The following LACTB2 variants were observed in gnomAD, a reference collection of about 807,000 sequenced individuals.
LACTB2 encodes the protein endoribonuclease LACTB2.
In LACTB2, 32 loss-of-function variants were observed where a neutral mutation model predicts 34.8. That is an observed-to-expected ratio of 0.92 (90% CI 0.69 to 1.24). The LOEUF (loss-of-function observed/expected upper bound fraction) is 1.24, where lower values mean the gene tolerates loss of function less well. Ranked by LOEUF, LACTB2 falls within the 50% of genes most tolerant of loss-of-function variation. The pLI, the probability that LACTB2 is intolerant of heterozygous loss-of-function variation, is 0.00. For missense variants in LACTB2, 320 were observed against 345.0 expected (o/e 0.93, Z 0.57); for synonymous variants, 120 against 117.5 (o/e 1.02, Z -0.14).
intron 3 of LACTB2, among the ~76,000 whole-genome samples, chr8:70,645,801 A>G (rs578098927): frequency 1.4e-3 from 213 of 151,972 alleles, no homozygotes; most frequent in Non-Finnish European, 2.5e-3. Flanking sequence ...AGCTTCATCC[A>G]TGTCCCTACA....
chr8:70,644,597 G>A (rs1462238226), intron 3 of LACTB2, among the ~76,000 whole-genome samples: 2 of 152,090 alleles, frequency 1.3e-5, no homozygotes, highest in Non-Finnish European at 1.5e-5. Context: ...TCAGCCTCCT[G>A]AGTAGCTGGA....
At chr8:70,647,283 C>T (rs1280831283) in intron 3 of LACTB2, among the ~76,000 whole-genome samples, 1 of 150,358 alleles carries the variant, frequency 6.7e-6, no homozygotes, top group Non-Finnish European at 1.5e-5. Flanking sequence ...GACAGGGTCT[C>T]GCTCTGTCGC....
intron 3 of LACTB2, among the ~76,000 whole-genome samples, chr8:70,645,491 CTCTT>C (rs1246129508): frequency 1.3e-5 from 2 of 151,446 alleles, no homozygotes; most frequent in Non-Finnish European, 2.9e-5. Flanking sequence ...CAGAAAAAGA[CTCTT>C]TTTTTTTTTT....
intron 3 of LACTB2, among the ~76,000 whole-genome samples, chr8:70,649,542 TAC>T (rs1187058327): frequency 6.6e-6 from 1 of 152,190 alleles, no homozygotes; most frequent in East Asian, 1.9e-4. Flanking sequence ...AAATAGTGTC[TAC>T]AGTCATAACA....
At position 70,657,881 on chromosome 8, in the gene LACTB2, G is replaced by C; in HGVS notation, c.288C>G (p.Asp96Glu). The change falls in exon 3 of 7, where the codon GAC becomes GAG. Residue 96 changes from aspartate (D) to glutamate (E), a missense_variant and splice_region_variant. Coordinates refer to ENST00000276590, the MANE Select transcript of LACTB2 (RefSeq NM_016027.3). Reference protein sequence around the residue: ...IGDICKSINNDTTYCIKKLPR... With the variant: ...IGDICKSINNETTYCIKKLPR... ...GGAGTTTTTTAATGCAATAGGTAGT[G>C]TCTAGTCATAAAACATATAAAATAT... 1 of 1,581,954 alleles carries C rather than the reference G, an allele frequency of 6.3e-7. No homozygotes were observed. The highest frequency in any genetic ancestry group is 8.7e-7 in the Non-Finnish European group (1 of 1,155,860).
chr8:70,645,333 G>A (rs1283782406), intron 3 of LACTB2, among the ~76,000 whole-genome samples: 1 of 151,978 alleles, frequency 6.6e-6, no homozygotes, highest in Non-Finnish European at 1.5e-5. Flanking sequence ...TGCCTAGGCT[G>A]GCATCAGTAT....
In LACTB2 at chr8:70,657,607, T is replaced by C. The variant is rs994119547; in HGVS notation, c.413+149A>G. ...CACCATGCTCAGCTAATTAAATTTT[T>C]TTTTGGTATTGCCCAGGCTGGTCTT... is the stretch of plus-strand genomic sequence containing the variant. On this transcript the variant is annotated intron_variant, in intron 3 of 6. Coordinates refer to ENST00000276590, the MANE Select transcript of LACTB2 (RefSeq NM_016027.3). 145 of 568,024 alleles carry C rather than the reference T, an allele frequency of 2.6e-4. 1 individual carries two copies. The highest frequency in any genetic ancestry group is 9.6e-5 in the Admixed American group (3 of 31,280). The allele number at this position is 568,024 out of a possible 1,614,324, so 35.2% of individuals were successfully genotyped here. A position where few individuals can be genotyped will look rare whatever the true frequency, so the allele number is the denominator to read the frequency against.
intron 3 of LACTB2, among the ~76,000 whole-genome samples, chr8:70,649,810 T>C (rs563392245): frequency 2.4e-4 from 36 of 152,314 alleles, no homozygotes; most frequent in African/African-American, 8.4e-4. Flanking sequence ...ATTTGTGTCA[T>C]TTGTCTGTTT....
rs186366428 is a variant in LACTB2 at position 70,660,903 on chromosome 8, G to A, written c.286+831C>T. ...AGCCATCTGCCCACCTTAGCCTCCC[G>A]AGTAGCTGGGACTGCAGGTGCACGC... is the stretch of plus-strand genomic sequence containing the variant. On this transcript the variant is annotated intron_variant, in intron 2 of 6. Transcript: ENST00000276590. The A allele has an allele frequency of 1.8e-5, 8 of 455,672 alleles. No individual in the cohort carries two copies. In the East Asian group the frequency reaches 2.1e-4, roughly 12 times the overall value. 28.2% of individuals were successfully genotyped at this position (455,672 alleles called of 1,614,324 possible). A position where few individuals can be genotyped will look rare whatever the true frequency, so the allele number is the denominator to read the frequency against.
intron 3 of LACTB2, among the ~76,000 whole-genome samples, chr8:70,645,536 G>A (rs1004878043): frequency 1.1e-4 from 16 of 151,340 alleles, no homozygotes; most frequent in Non-Finnish European, 2.4e-4. Flanking sequence ...GGGTACATGT[G>A]CACAACGTGC....
intron 5 of LACTB2, among the ~76,000 whole-genome samples, chr8:70,639,151 A>G (rs1818162841): frequency 1.3e-5 from 2 of 151,920 alleles, no homozygotes; most frequent in African/African-American, 2.4e-5. Flanking sequence ...AAGCTCCATA[A>G]AGACAGTAGC....
At chr8:70,661,406 A>C (rs1296292542) in intron 2 of LACTB2, 1 of 282,682 alleles carries the variant, frequency 3.5e-6, no homozygotes, top group Non-Finnish European at 6.8e-6. Context: ...GTGAACAATA[A>C]GAGCACCTAC....
intron 2 of LACTB2, among the ~76,000 whole-genome samples, chr8:70,659,695 A>G (rs1363050666): frequency 6.6e-6 from 1 of 152,234 alleles, no homozygotes; most frequent in Non-Finnish European, 1.5e-5. Flanking sequence ...TGAGACCTTT[A>G]GTAGACAATT....
At chr8:70,656,788 A>G (rs1818417069) in intron 3 of LACTB2, among the ~76,000 whole-genome samples, 1 of 152,166 alleles carries the variant, frequency 6.6e-6, no homozygotes, top group South Asian at 2.1e-4. Flanking sequence ...TCATTTTCAC[A>G]ATACTGATCC....
chr8:70,662,047 T>A, intron 1 of LACTB2, 150 bp from the exon 2 acceptor site: 1 of 593,830 alleles, frequency 1.7e-6, no homozygotes, highest in Non-Finnish European at 2.8e-6. Flanking sequence ...TCAGCTTAAC[T>A]ACAGTAATCT....
At chr8:70,647,789 TAAG>T (rs1336747776) in intron 3 of LACTB2, among the ~76,000 whole-genome samples, 1 of 152,134 alleles carries the variant, frequency 6.6e-6, no homozygotes, top group Non-Finnish European at 1.5e-5. Flanking sequence ...GTGGCTGAAA[TAAG>T]AAGTCTGTTG....
chr8:70,649,314 G>C (rs1818308318), intron 3 of LACTB2, among the ~76,000 whole-genome samples: 1 of 152,148 alleles, frequency 6.6e-6, no homozygotes, highest in Non-Finnish European at 1.5e-5. Context: ...GCCGACAGGA[G>C]CAAGTTATTA....
intron 3 of LACTB2, among the ~76,000 whole-genome samples, chr8:70,650,735 CAAAAAAAAAA>C (rs61025700): frequency 4.3e-5 from 2 of 46,206 alleles, no homozygotes; most frequent in Non-Finnish European, 7.4e-5. Flanking sequence ...GACTCCATCT[CAAAAAAAAAA>C]AAAAAAAAAA....
intron 3 of LACTB2, among the ~76,000 whole-genome samples, chr8:70,653,065 C>T (rs1353620554): frequency 2.0e-5 from 3 of 152,096 alleles, no homozygotes; most frequent in Admixed American, 6.6e-5. Flanking sequence ...ATTTGTTTTC[C>T]TTTGGTGTCA....
Sources: gnomAD v4.1 joint callset for allele counts (sites outside exome capture counted in the v4.1 genomes callset) on GRCh38, gnomAD v4.1.1 for gene constraint, MANE v1.5 for transcripts, NCBI Gene and HGNC (gene_info 2026-07-23, HGNC 2026-07-21) for gene names.